Variants in PTDSS1 observed in about 807,000 individuals in gnomAD.
PTDSS1 encodes the protein phosphatidylserine synthase 1, also known as PSS-1.
PTDSS1 carries 45 observed loss-of-function variants against 70.5 expected under a neutral mutation model. The ratio of observed to expected loss-of-function variants is 0.64; its 90% confidence interval spans 0.50 to 0.82. The LOEUF (loss-of-function observed/expected upper bound fraction) is 0.82, where lower values mean the gene tolerates loss of function less well. PTDSS1 is among the 40% of genes least tolerant of loss of function. The pLI is 0.00. For missense variants in PTDSS1, 417 were observed against 586.1 expected (o/e 0.71, Z 2.98); for synonymous variants, 188 against 203.8 (o/e 0.92, Z 0.66).
intron 4 of PTDSS1, 62 bp downstream of exon 4, chr8:96,287,208 A>G: frequency 6.4e-7 from 1 of 1,564,824 alleles, no homozygotes; most frequent in South Asian, 1.2e-5. Context: ...TGTAAGAGGT[A>G]ATAGACTTGA....
chr8:96,279,990 AG>A (rs1278073792), intron 2 of PTDSS1, among the ~76,000 whole-genome samples: 1 of 152,172 alleles, frequency 6.6e-6, no homozygotes, highest in East Asian at 1.9e-4. Context: ...CTCTGGCCTG[AG>A]GATACAAATG....
Position 96,335,592 on chromosome 8 carries a change from G to A in PTDSS1, c.*2026G>A, listed in dbSNP as rs891606164. On this transcript the variant is annotated 3_prime_UTR_variant, in exon 13 of 13. Coordinates refer to ENST00000517309, the MANE Select transcript of PTDSS1 (RefSeq NM_014754.3). ...GGCATTGTGAAGAGCAGGGTGCACA[G>A]GAGATGATTTTTTCTCCATGGCTTT... The A allele has an allele frequency of 6.6e-6, 1 of 152,260 alleles. No homozygotes were observed. Among genetic ancestry groups the A allele is most frequent in the African/African-American group, 2.4e-5 (1 of 41,468 alleles). The allele number at this position is 152,260 out of a possible 1,614,324, so 9.4% of individuals were successfully genotyped here.
At chr8:96,328,481 G>A (rs1231506833) in intron 10 of PTDSS1, among the ~76,000 whole-genome samples, 1 of 152,128 alleles carries the variant, frequency 6.6e-6, no homozygotes, top group Non-Finnish European at 1.5e-5. Context: ...GTATTCATTC[G>A]TGGCCTAATT....
chr8:96,308,940 G>A (rs1230616533), intron 8 of PTDSS1, among the ~76,000 whole-genome samples: 1 of 152,106 alleles, frequency 6.6e-6, no homozygotes, highest in Admixed American at 6.5e-5. Flanking sequence ...TTCAATGGCA[G>A]TGAGATATAG....
chr8:96,297,104 T>A (rs1456719374), intron 5 of PTDSS1, among the ~76,000 whole-genome samples: 1 of 152,214 alleles, frequency 6.6e-6, no homozygotes, highest in Non-Finnish European at 1.5e-5. Context: ...TCTTCACTAT[T>A]TATTGCCAAA....
intron 11 of PTDSS1, 70 bp downstream of exon 11, chr8:96,330,351 G>A: frequency 6.9e-7 from 1 of 1,459,164 alleles, no homozygotes; most frequent in East Asian, 2.3e-5. Flanking sequence ...TTCGCTCAGA[G>A]CACGTGCCTG....
chr8:96,332,833 T>G (rs1218246006), intron 12 of PTDSS1, among the ~76,000 whole-genome samples: 1 of 152,188 alleles, frequency 6.6e-6, no homozygotes, highest in African/African-American at 2.4e-5. Context: ...TGGGGCTGGA[T>G]CAGAGCCCTG....
chr8:96,298,691 A>T (rs903363244), intron 5 of PTDSS1, among the ~76,000 whole-genome samples: 1 of 152,126 alleles, frequency 6.6e-6, no homozygotes, highest in African/African-American at 2.4e-5. Context: ...AGTCAGAATG[A>T]ATGTTTTTTT....
At position 96,282,147 on chromosome 8, in the gene PTDSS1, G is replaced by A. The variant is rs1374700399; in HGVS notation, c.272-1962G>A. 2.0e-5 allele frequency among the ~76,000 whole-genome samples: 3 copies of A among 152,178 alleles called. No homozygotes were observed. In the East Asian group the frequency reaches 5.8e-4, roughly 29 times the overall value. On this transcript the variant is annotated intron_variant, in intron 2 of 12. Transcript: ENST00000517309. The stretch of plus-strand genomic sequence containing the variant: ...TTTATATCTAAAAGGTTAATTTAGT[G>A]TTATAGATAAAGTAATATTTACAAG...
rs555268359 is a variant in PTDSS1 at position 96,294,948 on chromosome 8, C to G, written c.442-150C>G. 2,338 of 683,762 alleles carry G rather than the reference C, an allele frequency of 3.4e-3. 17 individuals are homozygous for G. The highest frequency in any genetic ancestry group is 4.4e-3 in the Non-Finnish European group (1,967 of 445,022). The allele number at this position is 683,762 out of a possible 1,614,324, so 42.4% of individuals were successfully genotyped here. On this transcript the variant is annotated intron_variant, in intron 4 of 12. Transcript: ENST00000517309. ...AATACTTGTCTATTTTCCCTCAAGG[C>G]CCTTAAGTTATTAAAACTTTCTCAT...
At chr8:96,270,025 C>G (rs1240299692) in intron 1 of PTDSS1, among the ~76,000 whole-genome samples, 1 of 152,208 alleles carries the variant, frequency 6.6e-6, no homozygotes, top group Admixed American at 6.5e-5. Context: ...TTACCATCCT[C>G]TGTTTACTGA....
At chr8:96,330,515 A>G (rs913311788) in intron 11 of PTDSS1, 1 of 526,414 alleles carries the variant, frequency 1.9e-6, no homozygotes, top group African/African-American at 1.9e-5. Context: ...TGTTAGATAA[A>G]AAAAGTTATG....
chr8:96,332,457 A>G (rs1160992526), intron 12 of PTDSS1, among the ~76,000 whole-genome samples: 1 of 152,220 alleles, frequency 6.6e-6, no homozygotes, highest in Non-Finnish European at 1.5e-5. Flanking sequence ...CAGGGGAGAC[A>G]CTAACATACA....
At chr8:96,275,145 T>A (rs1278430847) in intron 2 of PTDSS1, among the ~76,000 whole-genome samples, 5 of 151,918 alleles carry the variant, frequency 3.3e-5, no homozygotes, top group African/African-American at 9.7e-5. Context: ...GAATTTTTAA[T>A]TAAAAAAAAA....
In PTDSS1 at chr8:96,261,976, C is replaced by T; in HGVS notation, c.-65C>T. The T allele has an allele frequency of 2.0e-6, 3 of 1,521,498 alleles. No individual in the cohort carries two copies. Among genetic ancestry groups the T allele is most frequent in the South Asian group, 1.2e-5 (1 of 81,928 alleles). 94.2% of individuals were successfully genotyped at this position (1,521,498 alleles called of 1,614,324 possible). A position where few individuals can be genotyped will look rare whatever the true frequency, so the allele number is the denominator to read the frequency against. Reference sequence around the variant, plus strand: ...GCTATTAGCCTACTGTGGCTAGTCACCCCCGGGGTCCCGGCCTTCTCGGGC... The same window carrying T: ...GCTATTAGCCTACTGTGGCTAGTCATCCCCGGGGTCCCGGCCTTCTCGGGC... On this transcript the variant is annotated 5_prime_UTR_variant, in exon 1 of 13. Transcript: ENST00000517309.
At chr8:96,278,110 T>C (rs1360685980) in intron 2 of PTDSS1, among the ~76,000 whole-genome samples, 1 of 152,210 alleles carries the variant, frequency 6.6e-6, no homozygotes, top group African/African-American at 2.4e-5. Context: ...TGGCAGGCAA[T>C]GGCCAGCAGA....
At chr8:96,305,615 T>A (rs1811111390) in intron 7 of PTDSS1, among the ~76,000 whole-genome samples, 1 of 152,218 alleles carries the variant, frequency 6.6e-6, no homozygotes, top group Non-Finnish European at 1.5e-5. Context: ...TGGTAGAGGA[T>A]CTGCTCTGTC....
intron 10 of PTDSS1, among the ~76,000 whole-genome samples, chr8:96,328,052 G>A (rs901732755): frequency 6.6e-6 from 1 of 152,208 alleles, no homozygotes; most frequent in Non-Finnish European, 1.5e-5. Flanking sequence ...CGATTGTGAT[G>A]ATAAGCACCT....
intron 9 of PTDSS1, among the ~76,000 whole-genome samples, chr8:96,310,806 G>GC (rs1359849372): frequency 2.7e-5 from 4 of 150,658 alleles, no homozygotes; most frequent in African/African-American, 9.8e-5. Flanking sequence ...GTGTTCTGTC[G>GC]CCAGGCTGGA....
Sources: gnomAD v4.1 joint callset for allele counts (sites outside exome capture counted in the v4.1 genomes callset) on GRCh38, gnomAD v4.1.1 for gene constraint, MANE v1.5 for transcripts, NCBI Gene and HGNC (gene_info 2026-07-23, HGNC 2026-07-21) for gene names.